COX10: variants seen among roughly 807,000 people sequenced by gnomAD.
The protein encoded by COX10 is cytochrome c oxidase assembly factor heme A:farnesyltransferase COX10.
A neutral mutation model predicts 37.3 loss-of-function variants in COX10; 27 were observed. That is an observed-to-expected ratio of 0.72 (90% confidence interval 0.53 to 1.00). COX10 has a LOEUF of 1.00. COX10 is among the 50% of genes least tolerant of loss of function. The pLI is 0.00. For missense variants in COX10, 475 were observed against 563.2 expected, an observed-to-expected ratio of 0.84 and a Z score of 1.59; for synonymous variants, 222 against 229.1, an observed-to-expected ratio of 0.97 and a Z score of 0.28.
intron 5 of COX10, among the ~76,000 whole-genome samples, chr17:14,188,389 G>T (rs979302361): frequency 2.0e-4 from 30 of 151,688 alleles, no homozygotes; most frequent in Non-Finnish European, 1.5e-4. Flanking sequence ...TGTGTGCCAT[G>T]TTGGGAAGAT....
chr17:14,120,552 T>C (rs1304777157), intron 4 of COX10, among the ~76,000 whole-genome samples: 4 of 152,130 alleles, frequency 2.6e-5, no homozygotes, highest in Non-Finnish European at 5.9e-5. Context: ...CCATTGGATA[T>C]AGTGATGAAG....
intron 5 of COX10, among the ~76,000 whole-genome samples, chr17:14,186,044 C>T (rs1417392635): frequency 2.6e-5 from 4 of 152,198 alleles, no homozygotes; most frequent in Non-Finnish European, 5.9e-5. Context: ...TTTCTCTCAA[C>T]GAAGCATTTG....
At chr17:14,070,340 A>T (rs544783789) in intron 1 of COX10, among the ~76,000 whole-genome samples, 1 of 152,090 alleles carries the variant, frequency 6.6e-6, no homozygotes, top group Admixed American at 6.5e-5. Flanking sequence ...TATTTCTTTC[A>T]TTATGGTTAG....
chr17:14,149,307 C>T (rs980300095), intron 4 of COX10, among the ~76,000 whole-genome samples: 1 of 151,954 alleles, frequency 6.6e-6, no homozygotes, highest in Admixed American at 6.6e-5. Flanking sequence ...CCTTTCTACT[C>T]TAGGCAAGTA....
At chr17:14,204,912 G>C (rs1157888177) in intron 6 of COX10, among the ~76,000 whole-genome samples, 1 of 152,048 alleles carries the variant, frequency 6.6e-6, no homozygotes. Flanking sequence ...GGCCAGCCTG[G>C]GCAACATGGT....
At chr17:14,204,089 C>T (rs186873480) in intron 6 of COX10, among the ~76,000 whole-genome samples, 65 of 152,182 alleles carry the variant, frequency 4.3e-4, no homozygotes, top group Middle Eastern at 3.4e-3. Flanking sequence ...TGAGTTTGGG[C>T]GCACTTTACT....
At chr17:14,130,090 T>C (rs1189604785) in intron 4 of COX10, among the ~76,000 whole-genome samples, 2 of 152,154 alleles carry the variant, frequency 1.3e-5, no homozygotes, top group Admixed American at 6.5e-5. Flanking sequence ...AAATTAAGAA[T>C]GTAAAAATCC....
intron 5 of COX10, among the ~76,000 whole-genome samples, chr17:14,187,830 T>C (rs1250396743): frequency 2.0e-5 from 3 of 152,216 alleles, no homozygotes; most frequent in Non-Finnish European, 2.9e-5. Flanking sequence ...CATGGCATCC[T>C]GGGTAAATAG....
chr17:14,149,012 CAA>C (rs1388008965), intron 4 of COX10, among the ~76,000 whole-genome samples: 1 of 147,488 alleles, frequency 6.8e-6, no homozygotes, highest in African/African-American at 2.5e-5. Flanking sequence ...ACATATATAA[CAA>C]TATATTTATA....
chr17:14,093,734 A>C (rs1289416157), intron 3 of COX10, among the ~76,000 whole-genome samples: 1 of 152,224 alleles, frequency 6.6e-6, no homozygotes, highest in Non-Finnish European at 1.5e-5. Flanking sequence ...TAGAGGAAGA[A>C]GCGTCATCAT....
At chr17:14,173,869 G>A (rs1422918750) in intron 5 of COX10, among the ~76,000 whole-genome samples, 1 of 152,200 alleles carries the variant, frequency 6.6e-6, no homozygotes, top group Non-Finnish European at 1.5e-5. Context: ...TACAAGGTCA[G>A]TATTCCAAAA....
chr17:14,145,436 G>T (rs541668069), intron 4 of COX10, among the ~76,000 whole-genome samples: 1 of 152,128 alleles, frequency 6.6e-6, no homozygotes, highest in Non-Finnish European at 1.5e-5. Flanking sequence ...TTGTAGATGT[G>T]GTTTCAATGC....
In COX10 at chr17:14,207,229, C is replaced by G. The variant is rs1401740459; in HGVS notation, c.*16C>G. 6.4e-7 allele frequency: 1 copy of G among 1,566,426 alleles called. No homozygotes were observed. Among genetic ancestry groups the G allele is most frequent in the African/African-American group, 1.4e-5 (1 of 74,020 alleles). On this transcript the variant is annotated 3_prime_UTR_variant, in exon 7 of 7. Coordinates refer to ENST00000261643, the MANE Select transcript of COX10 (RefSeq NM_001303.4). ...TCCCAGCTGAGAGCACTGGGACGCC[C>G]ACCGCCCCTTTCCCTCCGCTGCCAG... is the stretch of plus-strand genomic sequence containing the variant.
At chr17:14,076,707 T>G (rs1915158864) in intron 2 of COX10, 28 bp from the exon 3 acceptor site, 11 of 1,612,774 alleles carry the variant, frequency 6.8e-6, no homozygotes, top group South Asian at 1.1e-5. Flanking sequence ...GGCCTTGGTT[T>G]TATAGTAATG....
At chr17:14,202,676 G>A (rs1906579754) in intron 6 of COX10, among the ~76,000 whole-genome samples, 1 of 152,052 alleles carries the variant, frequency 6.6e-6, no homozygotes, top group Non-Finnish European at 1.5e-5. Context: ...TCTACCGTGA[G>A]CACACTCAGC....
chr17:14,086,851 A>G (rs958974512), intron 3 of COX10, among the ~76,000 whole-genome samples: 4 of 152,170 alleles, frequency 2.6e-5, no homozygotes, highest in African/African-American at 7.2e-5. Flanking sequence ...GTATAGATAT[A>G]TAGAGATACT....
intron 3 of COX10, among the ~76,000 whole-genome samples, chr17:14,098,831 C>T (rs76957474): frequency 0.012 from 1,808 of 152,184 alleles, 29 homozygotes; most frequent in African/African-American, 0.041. Flanking sequence ...GAGTATTCTA[C>T]CTTTGATTGC....
chr17:14,135,842 G>A (rs191367985), intron 4 of COX10, among the ~76,000 whole-genome samples: 1 of 151,850 alleles, frequency 6.6e-6, no homozygotes, highest in African/African-American at 2.4e-5. Flanking sequence ...AAAAGTAAAG[G>A]CATTTGAGTA....
chr17:14,145,880 A>G (rs879747953), intron 4 of COX10, among the ~76,000 whole-genome samples: 2 of 152,124 alleles, frequency 1.3e-5, no homozygotes. Context: ...TTTGAGAAAT[A>G]TTTTGGATCA....
Sources: allele counts gnomAD v4.1 joint callset (sites outside exome capture counted in the v4.1 genomes callset), GRCh38; gene constraint gnomAD v4.1.1; transcripts MANE v1.5; gene names NCBI Gene and HGNC (gene_info 2026-07-23, HGNC 2026-07-21).